The following TAOK3 variants were observed in gnomAD, a reference collection of about 807,000 sequenced individuals.
TAOK3 encodes serine/threonine-protein kinase TAO3.
Under a neutral mutation model 120.4 loss-of-function variants are expected in TAOK3, and 40 were observed. That is an observed-to-expected ratio of 0.33 (90% CI 0.26 to 0.43). The LOEUF (loss-of-function observed/expected upper bound fraction) is 0.43, where lower values mean the gene tolerates loss of function less well. Among genes scored for constraint, TAOK3 ranks in the 20% least tolerant of loss-of-function variants. TAOK3 has a pLI of 1.00. For missense variants in TAOK3, 821 were observed against 1,112.1 expected (o/e 0.74, Z 3.72); for synonymous variants, 355 against 387.5 (o/e 0.92, Z 0.99).
chr12:118,246,512 C>T (rs3999651), intron 3 of TAOK3: 1 of 1,566,710 alleles, frequency 6.4e-7, no homozygotes, highest in Non-Finnish European at 8.7e-7. Context: ...GTGTTAAGTG[C>T]TCCAAGGAGG....
chr12:118,231,919 T>A (rs2039800759), intron 9 of TAOK3, among the ~76,000 whole-genome samples: 2 of 143,024 alleles, frequency 1.4e-5, no homozygotes, highest in Admixed American at 1.4e-4. Context: ...CAAGATTGTG[T>A]CTCAAAAAAA....
intron 1 of TAOK3, among the ~76,000 whole-genome samples, chr12:118,347,421 G>C (rs1283732845): frequency 6.6e-6 from 1 of 151,920 alleles, no homozygotes; most frequent in Admixed American, 6.6e-5. Flanking sequence ...CCTCCTTTTG[G>C]CCTACAGCAT....
chr12:118,325,223 CT>C (rs1309657264), intron 1 of TAOK3, among the ~76,000 whole-genome samples: 1 of 152,172 alleles, frequency 6.6e-6, no homozygotes, highest in Admixed American at 6.5e-5. Flanking sequence ...GATTTCCTTT[CT>C]TTTGGACTAT....
chr12:118,249,760 G>C (rs2040668980), intron 3 of TAOK3, among the ~76,000 whole-genome samples: 1 of 151,828 alleles, frequency 6.6e-6, no homozygotes, highest in Non-Finnish European at 1.5e-5. Flanking sequence ...TGAGTCCAAG[G>C]GTTCAAGGTT....
chr12:118,239,888 T>C (rs911645805), intron 5 of TAOK3, among the ~76,000 whole-genome samples: 1 of 152,152 alleles, frequency 6.6e-6, no homozygotes, highest in Non-Finnish European at 1.5e-5. Flanking sequence ...ATTGATAGGC[T>C]AGGTGCAGCG....
intron 1 of TAOK3, among the ~76,000 whole-genome samples, chr12:118,331,670 A>AATAAT (rs2044156272): frequency 6.7e-6 from 1 of 148,728 alleles, no homozygotes; most frequent in Non-Finnish European, 1.5e-5. Flanking sequence ...AAAAAAAAAG[A>AATAAT]ATAATATCTG....
chr12:118,213,724 A>G (rs939180048), intron 10 of TAOK3, among the ~76,000 whole-genome samples: 8 of 152,046 alleles, frequency 5.3e-5, no homozygotes, highest in African/African-American at 1.9e-4. Flanking sequence ...GACCATCATG[A>G]CCTGGGACAA....
At chr12:118,191,807 ATT>A (rs2037447146) in intron 13 of TAOK3, among the ~76,000 whole-genome samples, 1 of 152,198 alleles carries the variant, frequency 6.6e-6, no homozygotes, top group Non-Finnish European at 1.5e-5. Context: ...TCAACTTAAT[ATT>A]ACAGTGCCAG....
rs187709679 is a variant in TAOK3 at position 118,369,671 on chromosome 12, T to C, written c.-194+2977A>G. Among the ~76,000 whole-genome samples, 97 of 152,350 alleles carry C rather than the reference T, an allele frequency of 6.4e-4. 1 individual carries two copies. The highest frequency in any genetic ancestry group is 2.3e-3 in the African/African-American group (95 of 41,564). Reference sequence around the variant, plus strand: ...TTATATGCATTGCAAAATGAATATATGCCTGTTCTAAATACCCTTTTGAGT... The same window carrying C: ...TTATATGCATTGCAAAATGAATATACGCCTGTTCTAAATACCCTTTTGAGT... On this transcript the variant is annotated intron_variant, in intron 1 of 20. Coordinates refer to ENST00000392533, the MANE Select transcript of TAOK3 (RefSeq NM_016281.4).
intron 1 of TAOK3, chr12:118,359,137 CACTT>C (rs2045508566): frequency 1.3e-5 from 2 of 152,260 alleles, no homozygotes; most frequent in South Asian, 2.1e-4. Flanking sequence ...TTATTACAGA[CACTT>C]AGTTTTTTAA....
chr12:118,327,638 T>C (rs2043986520), intron 1 of TAOK3, among the ~76,000 whole-genome samples: 1 of 152,216 alleles, frequency 6.6e-6, no homozygotes, highest in Admixed American at 6.5e-5. Flanking sequence ...GTTTCCTTTC[T>C]GGCAGAAGAA....
chr12:118,336,814 A>G (rs2044385558), intron 1 of TAOK3, among the ~76,000 whole-genome samples: 2 of 152,198 alleles, frequency 1.3e-5, no homozygotes, highest in African/African-American at 2.4e-5. Context: ...GCTCACACCT[A>G]TAATACCAGC....
At chr12:118,184,085 A>C (rs770797971) in intron 14 of TAOK3, among the ~76,000 whole-genome samples, 2 of 152,210 alleles carry the variant, frequency 1.3e-5, no homozygotes, top group Non-Finnish European at 2.9e-5. Flanking sequence ...AAATTTACAG[A>C]GCTCAATCTG....
At chr12:118,189,699 C>T in intron 14 of TAOK3, 108 bp downstream of exon 14, 1 of 1,325,032 alleles carries the variant, frequency 7.5e-7, no homozygotes, top group Non-Finnish European at 1.0e-6. Flanking sequence ...ACATTCTTGA[C>T]TCCTTTCCTC....
chr12:118,340,648 C>G (rs926346056), intron 1 of TAOK3, among the ~76,000 whole-genome samples: 3 of 151,924 alleles, frequency 2.0e-5, no homozygotes, highest in Non-Finnish European at 4.4e-5. Flanking sequence ...CTGCCTCATA[C>G]CCAGCTTTAA....
At chr12:118,204,255 G>GAAA (rs71069431) in intron 11 of TAOK3, among the ~76,000 whole-genome samples, 1 of 111,686 alleles carries the variant, frequency 9.0e-6, no homozygotes. Flanking sequence ...TGACAGAATG[G>GAAA]AAAAAAAAAA....
At chr12:118,275,915 G>A (rs1234940425) in intron 1 of TAOK3, among the ~76,000 whole-genome samples, 1 of 152,190 alleles carries the variant, frequency 6.6e-6, no homozygotes, top group Non-Finnish European at 1.5e-5. Flanking sequence ...GCAAGGAAGA[G>A]TGGTACAGGC....
Position 118,335,020 on chromosome 12 carries a change from A to C in TAOK3, c.-194+37628T>G, listed in dbSNP as rs192621796. 7.2e-5 allele frequency among the ~76,000 whole-genome samples: 11 copies of C among 152,012 alleles called. 1 individual carries two copies. In the East Asian group the frequency reaches 2.1e-3, roughly 29 times the overall value. On this transcript the variant is annotated intron_variant, in intron 1 of 20. Transcript: ENST00000392533. ...ATGGTGAAACCCCAACTCTACTAAA[A>C]ATACAAAAAAGTAGCCAGGCATGGT...
At chr12:118,342,070 A>C (rs929835275) in intron 1 of TAOK3, among the ~76,000 whole-genome samples, 1 of 149,624 alleles carries the variant, frequency 6.7e-6, no homozygotes, top group African/African-American at 2.4e-5. Context: ...GTGATCTCTC[A>C]TTTTTTTTTT....
Sources: gnomAD v4.1 joint callset for allele counts (sites outside exome capture counted in the v4.1 genomes callset) on GRCh38, gnomAD v4.1.1 for gene constraint, MANE v1.5 for transcripts, NCBI Gene and HGNC (gene_info 2026-07-23, HGNC 2026-07-21) for gene names.